MMEL1: variants seen among roughly 807,000 people sequenced by gnomAD.
The protein encoded by MMEL1 is membrane metalloendopeptidase like 1.
A neutral mutation model predicts 117.1 loss-of-function variants in MMEL1; 98 were observed. That is an observed-to-expected ratio of 0.84 (90% CI 0.71 to 0.99). MMEL1 has a LOEUF of 0.99. Among genes scored for constraint, MMEL1 ranks in the 50% least tolerant of loss-of-function variants. The pLI, the probability that MMEL1 is intolerant of heterozygous loss-of-function variation, is 0.00. For synonymous variants in MMEL1, 390 were observed against 415.1 expected, an observed-to-expected ratio of 0.94 and a Z score of 0.74; for missense variants, 1,014 against 1,049.1, an observed-to-expected ratio of 0.97 and a Z score of 0.46.
Position 2,632,947 on chromosome 1 carries a change from G to A in MMEL1, c.-119C>T, listed in dbSNP as rs1638659327. On this transcript the variant is annotated 5_prime_UTR_variant, in exon 1 of 24. Coordinates refer to ENST00000378412, the MANE Select transcript of MMEL1 (RefSeq NM_033467.4). The stretch of plus-strand genomic sequence containing the variant: ...CAGTGGGTTGGAGTTGGGGTGAGCT[G>A]GGCCAAGTGGGTGGATTTCCAGGGA... 1.0e-6 allele frequency: 1 copy of A among 985,758 alleles called. No individual in the cohort carries two copies. The highest frequency in any genetic ancestry group is 1.2e-6 in the Non-Finnish European group (1 of 830,226). The allele number at this position is 985,758 out of a possible 1,614,324, so 61.1% of individuals were successfully genotyped here.
chr1:2,603,974 C>T lies in MMEL1; in HGVS notation c.952-1G>A. The T allele has an allele frequency of 6.2e-7, 1 of 1,613,720 alleles. No homozygotes were observed. Among genetic ancestry groups the T allele is most frequent in the Admixed American group, 1.7e-5 (1 of 60,022 alleles). ...GTCTCTCCTCCTGGGGTACCGTGGC[C>T]TGTGCCGGGGATAGCAGTCACACGG... On this transcript the variant is annotated splice_acceptor_variant, in intron 10 of 23. Transcript: ENST00000378412. LOFTEE classifies it high-confidence loss of function.
In MMEL1 at chr1:2,629,530, C is replaced by A; in HGVS notation, c.-37-9G>T. ...GAGCACCGCGGAGGAACCTGCAGGC[C>A]CAGGGCAGGGGAGAGGGGAGAGGGG... On this transcript the variant is annotated splice_polypyrimidine_tract_variant and intron_variant, in intron 1 of 23. Transcript: ENST00000378412. The A allele has an allele frequency of 7.0e-7, 1 of 1,429,132 alleles. No homozygotes were observed. Among genetic ancestry groups the A allele is most frequent in the African/African-American group, 1.5e-5 (1 of 67,790 alleles). The allele number at this position is 1,429,132 out of a possible 1,614,324, so 88.5% of individuals were successfully genotyped here. A position where few individuals can be genotyped will look rare whatever the true frequency, so the allele number is the denominator to read the frequency against.
At chr1:2,609,228 C>T in intron 6 of MMEL1, 111 bp downstream of exon 6, 1 of 1,050,976 alleles carries the variant, frequency 9.5e-7, no homozygotes, top group Non-Finnish European at 1.4e-6. Context: ...CCTAAAGGCA[C>T]CCACTCCTAC....
At chr1:2,625,931 G>C (rs1638249668) in intron 2 of MMEL1, among the ~76,000 whole-genome samples, 1 of 102,910 alleles carries the variant, frequency 9.7e-6, no homozygotes, top group South Asian at 2.9e-4. Flanking sequence ...ATGACCAGTG[G>C]ACAGAGGAAG....
Position 2,591,103 on chromosome 1 carries a change from G to T in MMEL1, c.2241-14C>A. On this transcript the variant is annotated splice_polypyrimidine_tract_variant and intron_variant, in intron 23 of 23. Coordinates refer to ENST00000378412, the MANE Select transcript of MMEL1 (RefSeq NM_033467.4). ...GACCCCAGTACCCTGTGGGTGGGTG[G>T]GTGTGACAGCAGGAGCATTGCCATC... 4 of 1,540,808 alleles carry T rather than the reference G, an allele frequency of 2.6e-6. No homozygotes were observed. Among genetic ancestry groups the T allele is most frequent in the Non-Finnish European group, 3.5e-6 (4 of 1,141,160 alleles).
chr1:2,599,348 T>C (rs1644895196), intron 11 of MMEL1, among the ~76,000 whole-genome samples: 1 of 152,192 alleles, frequency 6.6e-6, no homozygotes, highest in Admixed American at 6.5e-5. Context: ...TATTAGCAAA[T>C]AGAACCTAGC....
At chr1:2,628,518 C>T (rs1275273079) in intron 2 of MMEL1, among the ~76,000 whole-genome samples, 3 of 152,184 alleles carry the variant, frequency 2.0e-5, no homozygotes, top group Non-Finnish European at 2.9e-5. Context: ...GCACCTGCCC[C>T]GGGGGTGAGC....
intron 12 of MMEL1, 118 bp downstream of exon 12, chr1:2,598,536 C>G: frequency 6.7e-7 from 1 of 1,498,556 alleles, no homozygotes; most frequent in Middle Eastern, 2.2e-4. Flanking sequence ...TCATGTCCCA[C>G]ACCCCTCAGG....
intron 23 of MMEL1, 177 bp downstream of exon 23, chr1:2,591,380 C>G: frequency 1.6e-6 from 1 of 626,318 alleles, no homozygotes; most frequent in East Asian, 2.7e-5. Context: ...CTTAAATGCC[C>G]TTAGTCTGTA....
In MMEL1 at chr1:2,604,295, C is replaced by T. The variant is rs374115466; in HGVS notation, c.817-14G>A. On this transcript the variant is annotated splice_polypyrimidine_tract_variant and intron_variant, in intron 9 of 23. Transcript: ENST00000378412. ...GGCTTCCCGCACCTGGGCCAAAGGA[C>T]GCCGGGCAGAGCTGGGTGGCCTCAG... 9.3e-6 allele frequency: 15 copies of T among 1,611,550 alleles called. No homozygotes were observed. The highest frequency in any genetic ancestry group is 3.3e-5 in the South Asian group (3 of 90,898).
At position 2,609,921 on chromosome 1, in the gene MMEL1, C is replaced by T. The variant is rs1645100573; in HGVS notation, c.293-90G>A. ...GCCTGTCTCCCGGTCCAAGACACAG[C>T]CTGGTCCCTTGGGAAGGGGCTGCTG... On this transcript the variant is annotated intron_variant, in intron 4 of 23. Transcript: ENST00000378412. The T allele has an allele frequency of 5.6e-6, 8 of 1,431,128 alleles. No individual in the cohort carries two copies. The South Asian group carries it at 6.8e-5, about 12-fold the overall frequency. 88.7% of individuals were successfully genotyped at this position (1,431,128 alleles called of 1,614,324 possible).
chr1:2,595,382 T>A lies in MMEL1; in HGVS notation c.1501-23A>T. The A allele has an allele frequency of 6.2e-7, 1 of 1,608,912 alleles. No homozygotes were observed. The highest frequency in any genetic ancestry group is 8.5e-7 in the Non-Finnish European group (1 of 1,175,936). Reference sequence around the variant, plus strand: ...GGCCTGAGTGGGGAGGAGGGACTGGTCAGTGGGTGCCCCACTGCGGATGGA... The same window carrying A: ...GGCCTGAGTGGGGAGGAGGGACTGGACAGTGGGTGCCCCACTGCGGATGGA... On this transcript the variant is annotated intron_variant, in intron 15 of 23. Transcript: ENST00000378412. This position sits in a 1 kb window ranked among gnomAD's most constrained non-coding sequence, Gnocchi z 4.8.
In MMEL1 at chr1:2,590,946, G is replaced by A. The variant is rs185629644; in HGVS notation, c.*44C>T. On this transcript the variant is annotated 3_prime_UTR_variant, in exon 24 of 24. Transcript: ENST00000378412. The stretch of plus-strand genomic sequence containing the variant: ...GCTGCACCTTCGCACAGATGCCTCC[G>A]AGCAGCGGGTGGGCGTGGGCCGCAC... 7.8e-6 allele frequency: 11 copies of A among 1,414,126 alleles called. No homozygotes were observed. Among genetic ancestry groups the A allele is most frequent in the South Asian group, 6.1e-5 (4 of 65,508 alleles). The allele number at this position is 1,414,126 out of a possible 1,614,324, so 87.6% of individuals were successfully genotyped here.
At chr1:2,625,124 T>C (rs909854161) in intron 2 of MMEL1, among the ~76,000 whole-genome samples, 1 of 152,154 alleles carries the variant, frequency 6.6e-6, no homozygotes, top group Non-Finnish European at 1.5e-5. Flanking sequence ...AGCCAAACTA[T>C]ATCATTCTGC....
rs377361005 is a variant in MMEL1 at position 2,607,043 on chromosome 1, G to T, written c.562C>A (p.Pro188Thr). ...QSVIEKRGSQ[P>T]LLDILEVVGG... ...ACCACCTCCAAGATGTCCAGCAGGG[G>T]CTGAGAGCCTCGCTTCTCTATCACA... Residue 188 changes from proline (P) to threonine (T), a missense_variant, in exon 7 of 24, where the codon CCC (proline) becomes ACC (threonine). By Grantham distance (38) the Pro-to-Thr change is conservative. Transcript: ENST00000378412. The T allele has an allele frequency of 6.2e-7, 1 of 1,613,346 alleles. No individual in the cohort carries two copies. The highest frequency in any genetic ancestry group is 8.5e-7 in the Non-Finnish European group (1 of 1,179,970).
At chr1:2,625,116 C>T (rs979860900) in intron 2 of MMEL1, among the ~76,000 whole-genome samples, 1 of 152,134 alleles carries the variant, frequency 6.6e-6, no homozygotes, top group African/African-American at 2.4e-5. Flanking sequence ...GGACGCAGAG[C>T]CAAACTATAT....
At chr1:2,622,200 C>T (rs1017640536) in intron 2 of MMEL1, among the ~76,000 whole-genome samples, 5 of 152,212 alleles carry the variant, frequency 3.3e-5, no homozygotes, top group African/African-American at 1.2e-4. Context: ...GGATTTGTAA[C>T]AATTTCCCCA....
At chr1:2,608,899 G>GCACA (rs1317080601) in intron 6 of MMEL1, among the ~76,000 whole-genome samples, 1 of 89,460 alleles carries the variant, frequency 1.1e-5, no homozygotes, top group East Asian at 3.1e-4. Context: ...ATAGATACAT[G>GCACA]CATGAACACA....
rs1378839636 is a variant in MMEL1 at position 2,592,968 on chromosome 1, T to C, written c.1868-2A>G. ...TGCCATTCTTGTCGAAGTTCCGGCC[T>C]GGGCAGGGGCAGAGGAGGGCTGCCC... On this transcript the variant is annotated splice_acceptor_variant, in intron 19 of 23. Transcript: ENST00000378412. LOFTEE classifies it high-confidence loss of function. The C allele has an allele frequency of 1.9e-6, 3 of 1,612,900 alleles. No individual in the cohort carries two copies. Among genetic ancestry groups the C allele is most frequent in the Non-Finnish European group, 2.5e-6 (3 of 1,179,780 alleles).
Sources: allele counts gnomAD v4.1 joint callset (sites outside exome capture counted in the v4.1 genomes callset), GRCh38; gene constraint gnomAD v4.1.1; non-coding constraint Gnocchi (gnomAD v3.1); transcripts MANE v1.5; gene names NCBI Gene and HGNC (gene_info 2026-07-23, HGNC 2026-07-21).